The following HCN4 variants were observed in gnomAD, a reference collection of about 807,000 sequenced individuals.
HCN4 encodes hyperpolarization activated cyclic nucleotide gated potassium channel 4, also known as potassium/sodium hyperpolarization-activated cyclic nucleotide-gated channel 4.
A neutral mutation model predicts 76.9 loss-of-function variants in HCN4; 29 were observed. That is an observed-to-expected ratio of 0.38 (90% CI 0.28 to 0.51). The LOEUF is 0.51. Ranked by LOEUF, HCN4 falls within the 20% of genes least tolerant of loss-of-function variation. HCN4 has a pLI of 0.90. For synonymous variants in HCN4, 772 were observed against 762.5 expected, an observed-to-expected ratio of 1.01 and a Z score of -0.21; for missense variants, 1,416 against 1,715.2, an observed-to-expected ratio of 0.83 and a Z score of 3.08.
chr15:73,346,404 T>C (rs1279808448), intron 1 of HCN4, among the ~76,000 whole-genome samples: 4 of 152,168 alleles, frequency 2.6e-5, no homozygotes, highest in Non-Finnish European at 4.4e-5. Flanking sequence ...AGCTACATTA[T>C]GAAATGAGTA....
Position 73,367,783 on chromosome 15 carries a change from G to A in HCN4, c.488C>T (p.Ala163Val). ...ERPGASAQPAASPPPPQQPPQ... is the reference protein window; with the variant it reads ...ERPGASAQPAVSPPPPQQPPQ... ...TGGCTGCTGGGGCGGCGGCGGCGAGGCTGCGGGCTGCGCCGAGGCGCCGGG... is the reference window on the plus strand; with the variant it reads ...TGGCTGCTGGGGCGGCGGCGGCGAGACTGCGGGCTGCGCCGAGGCGCCGGG... The change falls in exon 1 of 8, where the codon GCC becomes GTC. Residue 163 changes from alanine to valine, a missense_variant. By Grantham distance (64) the Ala-to-Val change is moderately conservative (BLOSUM62 0). Around this residue, in one of 6 missense-constraint regions of HCN4, gnomAD observed 355 missense variants for 347.8 expected, o/e 1.02. Coordinates refer to ENST00000261917, the MANE Select transcript of HCN4 (RefSeq NM_005477.3). This position sits in a 1 kb window ranked among gnomAD's most constrained non-coding sequence, Gnocchi z 7.5. 2 of 1,446,172 alleles carry A rather than the reference G, an allele frequency of 1.4e-6. No homozygotes were observed. Among genetic ancestry groups the A allele is most frequent in the Non-Finnish European group, 1.8e-6 (2 of 1,105,666 alleles). 89.6% of individuals were successfully genotyped at this position (1,446,172 alleles called of 1,614,324 possible). A position where few individuals can be genotyped will look rare whatever the true frequency, so the allele number is the denominator to read the frequency against.
chr15:73,367,411 T>TGGGAGGCAGGGTCAGG lies in HCN4; in HGVS notation c.785+59_785+74dup. On this transcript the variant is annotated intron_variant, in intron 1 of 7. Coordinates refer to ENST00000261917, the MANE Select transcript of HCN4 (RefSeq NM_005477.3). The surrounding 1 kb of genome is among the most constrained non-coding windows in gnomAD (Gnocchi z 7.5). ...GCAAGGCAGGAAAGTTAACTCCGGC[T>TGGGAGGCAGGGTCAGG]GGGAGGCAGGGTCAGGAGGAGGCAT... is the stretch of plus-strand genomic sequence containing the variant. 6.2e-7 allele frequency: 1 copy of TGGGAGGCAGGGTCAGG among 1,604,906 alleles called. No homozygotes were observed. Among genetic ancestry groups the TGGGAGGCAGGGTCAGG allele is most frequent in the Non-Finnish European group, 8.5e-7 (1 of 1,176,536 alleles).
Position 73,328,017 on chromosome 15 carries a change from C to T in HCN4, c.1590+1556G>A, listed in dbSNP as rs1188275804. Among the ~76,000 whole-genome samples, 6 of 152,114 alleles carry T rather than the reference C, an allele frequency of 3.9e-5. No homozygotes were observed. The highest frequency in any genetic ancestry group is 1.3e-4 in the Admixed American group (2 of 15,274). ...CAGGCATGGGGCATAAAACAGAAAA[C>T]GACATACTGGGTCCTCCCCTCATGG... On this transcript the variant is annotated intron_variant, in intron 4 of 7. Transcript: ENST00000261917. This position sits in a 1 kb window ranked among gnomAD's most constrained non-coding sequence, Gnocchi z 4.0.
chr15:73,352,684 G>A (rs1430889663), intron 1 of HCN4, among the ~76,000 whole-genome samples: 1 of 152,136 alleles, frequency 6.6e-6, no homozygotes, highest in Non-Finnish European at 1.5e-5. Context: ...CTCTCATTAT[G>A]GGCACACCCC....
intron 6 of HCN4, 87 bp downstream of exon 6, chr15:73,324,868 T>C (rs919912121): frequency 1.3e-6 from 2 of 1,537,136 alleles, no homozygotes; most frequent in African/African-American, 1.4e-5. Context: ...CCAAGAAGGG[T>C]GCTCACTGCC....
chr15:73,343,280 C>T lies in HCN4; in HGVS notation c.1209+105G>A. 8.7e-7 allele frequency: 1 copy of T among 1,143,912 alleles called. No homozygotes were observed. Among genetic ancestry groups the T allele is most frequent in the Non-Finnish European group, 1.3e-6 (1 of 775,610 alleles). 70.9% of individuals were successfully genotyped at this position (1,143,912 alleles called of 1,614,324 possible). Reference sequence around the variant, plus strand: ...GTCCTCTTGGAGCAGGTGTGCCTGCCACAATCTGACAGCCTATGTTCAATT... The same window carrying T: ...GTCCTCTTGGAGCAGGTGTGCCTGCTACAATCTGACAGCCTATGTTCAATT... On this transcript the variant is annotated intron_variant, in intron 2 of 7. Coordinates refer to ENST00000261917, the MANE Select transcript of HCN4 (RefSeq NM_005477.3). This position sits in a 1 kb window ranked among gnomAD's most constrained non-coding sequence, Gnocchi z 5.7.
At position 73,343,135 on chromosome 15, in the gene HCN4, T is replaced by C. The variant is rs1027224485; in HGVS notation, c.1209+250A>G. 6.6e-6 allele frequency among the ~76,000 whole-genome samples: 1 copy of C among 152,224 alleles called. No homozygotes were observed. The highest frequency in any genetic ancestry group is 1.5e-5 in the Non-Finnish European group (1 of 68,028). On this transcript the variant is annotated intron_variant, in intron 2 of 7. Transcript: ENST00000261917. This position sits in a 1 kb window ranked among gnomAD's most constrained non-coding sequence, Gnocchi z 5.7. ...TAATATTTCTGTCTGTTTCTTCAGG[T>C]GAAAAATGAGTATATACATGTACCT...
chr15:73,348,148 G>A (rs925742824), intron 1 of HCN4, among the ~76,000 whole-genome samples: 6 of 152,234 alleles, frequency 3.9e-5, no homozygotes, highest in Non-Finnish European at 5.9e-5. Context: ...CAAGGGAGCT[G>A]AGGAAGACAT....
Position 73,367,808 on chromosome 15 carries a change from G to A in HCN4, c.463C>T (p.Pro155Ser), listed in dbSNP as rs2043136023. Residue 155 changes from proline (P) to serine (S), a missense_variant, in exon 1 of 8, where the codon CCC becomes TCC. Transcript: ENST00000261917. The surrounding 1 kb of genome is among the most constrained non-coding windows in gnomAD (Gnocchi z 7.5). ...PPGLAAEPER[P>S]GASAQPAASP... is the part of the protein sequence containing the mutation. ...GCTGCGGGCTGCGCCGAGGCGCCGG[G>A]GCGCTCGGGCTCGGCCGCCAGGCCT... 2 of 1,244,712 alleles carry A rather than the reference G, an allele frequency of 1.6e-6. No homozygotes were observed. The highest frequency in any genetic ancestry group is 3.3e-5 in the East Asian group (1 of 29,980). The allele number at this position is 1,244,712 out of a possible 1,614,324, so 77.1% of individuals were successfully genotyped here.
chr15:73,323,105 T>C lies in HCN4; in HGVS notation c.2988A>G (p.Thr996=). 1 of 1,589,236 alleles carries C rather than the reference T, an allele frequency of 6.3e-7. No individual in the cohort carries two copies. The highest frequency in any genetic ancestry group is 1.1e-5 in the South Asian group (1 of 87,490). Residue 996 remains threonine (T), a synonymous_variant, in exon 8 of 8, where the codon ACA becomes ACG. Transcript: ENST00000261917. The stretch of plus-strand genomic sequence containing the variant: ...ACGGCGGCTCAGGCTGCCGTGGGGG[T>C]GTCTCTGGCGTGCTCAGTGGGCCAG... ...LATGPLSTPE[T]PPRQPEPPSL...
intron 2 of HCN4, among the ~76,000 whole-genome samples, chr15:73,336,865 C>G (rs2042969301): frequency 6.6e-6 from 1 of 152,184 alleles, no homozygotes; most frequent in African/African-American, 2.4e-5. Flanking sequence ...ACTCTCTTAC[C>G]ATAAACCTTC....
At position 73,325,124 on chromosome 15, in the gene HCN4, G is replaced by C; in HGVS notation, c.1809C>G (p.Phe603Leu). ...MPLFANADPN[F>L]VTSMLTKLRF... ...GCAGCTTGGTCAGCATGGACGTCAC[G>C]AAGTTGGGGTCCGCATTGGCAAACA... is the stretch of plus-strand genomic sequence containing the variant. Residue 603 changes from phenylalanine (F) to leucine (L), a missense_variant, in exon 6 of 8, where the codon TTC becomes TTG. Around this residue, in one of 6 missense-constraint regions of HCN4, gnomAD observed 241 missense variants for 379.4 expected, o/e 0.64. Coordinates refer to ENST00000261917, the MANE Select transcript of HCN4 (RefSeq NM_005477.3). The surrounding 1 kb of genome is among the most constrained non-coding windows in gnomAD (Gnocchi z 7.4). 1.2e-6 allele frequency: 2 copies of C among 1,614,204 alleles called. No homozygotes were observed. The highest frequency in any genetic ancestry group is 2.2e-5 in the East Asian group (1 of 44,870).
At chr15:73,336,781 G>A (rs1028286901) in intron 2 of HCN4, among the ~76,000 whole-genome samples, 8 of 151,944 alleles carry the variant, frequency 5.3e-5, no homozygotes, top group Non-Finnish European at 1.2e-4. Context: ...TCTTGATGAG[G>A]CTCCCCGCCC....
intron 4 of HCN4, among the ~76,000 whole-genome samples, chr15:73,327,503 G>A (rs759556773): frequency 3.3e-5 from 5 of 151,860 alleles, no homozygotes; most frequent in Non-Finnish European, 7.4e-5. Flanking sequence ...CTCACATGCT[G>A]AGCCCCACCC....
intron 1 of HCN4, among the ~76,000 whole-genome samples, chr15:73,347,951 C>G (rs1239010947): frequency 6.6e-6 from 1 of 152,192 alleles, no homozygotes; most frequent in Non-Finnish European, 1.5e-5. Flanking sequence ...TCCTTACTTC[C>G]TACCTGGACC....
intron 1 of HCN4, among the ~76,000 whole-genome samples, chr15:73,348,779 A>G (rs1188253788): frequency 6.6e-6 from 1 of 152,150 alleles, no homozygotes; most frequent in Non-Finnish European, 1.5e-5. Flanking sequence ...CCAGGTGAGC[A>G]GCACACTCAG....
At chr15:73,341,528 C>T (rs930613000) in intron 2 of HCN4, among the ~76,000 whole-genome samples, 2 of 152,204 alleles carry the variant, frequency 1.3e-5, no homozygotes, top group East Asian at 3.9e-4. Flanking sequence ...ACCTATTTTG[C>T]AGATAAAGAG....
intron 6 of HCN4, 102 bp from the exon 7 acceptor site, chr15:73,324,355 TG>T: frequency 7.5e-7 from 1 of 1,332,688 alleles, no homozygotes; most frequent in Non-Finnish European, 1.0e-6. Flanking sequence ...ACAGAAGCCT[TG>T]GCAGGCTCAC....
chr15:73,358,556 G>C (rs1034949875), intron 1 of HCN4, among the ~76,000 whole-genome samples: 2 of 152,168 alleles, frequency 1.3e-5, no homozygotes, highest in African/African-American at 4.8e-5. Context: ...CTTCTCAAAG[G>C]CTGTGCACCT....
Sources: gnomAD v4.1 joint callset for allele counts (sites outside exome capture counted in the v4.1 genomes callset) on GRCh38, gnomAD v4.1.1 for gene constraint, gnomAD v4.1.1 regional missense constraint, Gnocchi (gnomAD v3.1) non-coding constraint, MANE v1.5 for transcripts, NCBI Gene and HGNC (gene_info 2026-07-23, HGNC 2026-07-21) for gene names.